SPIDR: variants seen among roughly 807,000 people sequenced by gnomAD.
The protein encoded by SPIDR is DNA repair-scaffolding protein.
Under a neutral mutation model 104.6 loss-of-function variants are expected in SPIDR, and 93 were observed. That is an observed-to-expected ratio of 0.89 (90% CI 0.75 to 1.06). SPIDR has a LOEUF of 1.06. SPIDR is among the 50% of genes least tolerant of loss of function. The pLI is 0.00. For synonymous variants in SPIDR, 431 were observed against 416.9 expected (o/e 1.03, Z -0.41); for missense variants, 1,154 against 1,111.2 (o/e 1.04, Z -0.55).
chr8:47,705,912 AAGC>A (rs895583610), intron 14 of SPIDR, among the ~76,000 whole-genome samples: 17 of 151,786 alleles, frequency 1.1e-4, no homozygotes, highest in Non-Finnish European at 1.9e-4. Context: ...AAAAAAAAAA[AAGC>A]AGATTCAGTT....
At position 47,602,311 on chromosome 8, in the gene SPIDR, A is replaced by G. The variant is rs1215960048; in HGVS notation, c.1544+3115A>G. ...AAGAAGGAAAATTGCATAAGCAGTGACCCCTTTCAACTAAAGGCAGCTCTA... is the reference window on the plus strand; with the variant it reads ...AAGAAGGAAAATTGCATAAGCAGTGGCCCCTTTCAACTAAAGGCAGCTCTA... On this transcript the variant is annotated intron_variant, in intron 10 of 19. Coordinates refer to ENST00000297423, the MANE Select transcript of SPIDR (RefSeq NM_001080394.4). Among the ~76,000 whole-genome samples the G allele has an allele frequency of 2.0e-5, 3 of 152,278 alleles. No individual in the cohort carries two copies. In the East Asian group the frequency reaches 5.8e-4, roughly 29 times the overall value.
chr8:47,644,531 A>G (rs1230091207), intron 10 of SPIDR, among the ~76,000 whole-genome samples: 2 of 152,232 alleles, frequency 1.3e-5, no homozygotes, highest in East Asian at 3.8e-4. Flanking sequence ...GCTCTCCAGA[A>G]TAAAGTAAAT....
chr8:47,503,686 G>C (rs2080955790), intron 8 of SPIDR, among the ~76,000 whole-genome samples: 1 of 152,096 alleles, frequency 6.6e-6, no homozygotes, highest in Non-Finnish European at 1.5e-5. Flanking sequence ...TATGATGTTA[G>C]GTGGTTATTT....
At chr8:47,610,325 C>T (rs532728796) in intron 10 of SPIDR, among the ~76,000 whole-genome samples, 11 of 152,118 alleles carry the variant, frequency 7.2e-5, no homozygotes, top group South Asian at 2.1e-4. Context: ...GCTGAGATGA[C>T]GGCACAGAGA....
chr8:47,403,503 A>G (rs1009124157), intron 6 of SPIDR, among the ~76,000 whole-genome samples: 4 of 152,266 alleles, frequency 2.6e-5, no homozygotes, highest in Non-Finnish European at 5.9e-5. Flanking sequence ...CAAATTCAGC[A>G]AAGTCTTGGG....
intron 5 of SPIDR, among the ~76,000 whole-genome samples, chr8:47,356,950 G>C (rs1329750366): frequency 1.3e-5 from 2 of 152,064 alleles, no homozygotes; most frequent in African/African-American, 4.8e-5. Flanking sequence ...TTGAAATGGG[G>C]TTTATTTTGC....
intron 10 of SPIDR, among the ~76,000 whole-genome samples, chr8:47,657,758 A>C (rs1588901641): frequency 6.6e-6 from 1 of 152,132 alleles, no homozygotes; most frequent in East Asian, 1.9e-4. Context: ...GGCTTGAAGC[A>C]ATGGCTCTTG....
At chr8:47,287,669 A>G (rs1554564278) in intron 3 of SPIDR, among the ~76,000 whole-genome samples, 99 of 152,322 alleles carry the variant, frequency 6.5e-4, no homozygotes, top group Non-Finnish European at 1.2e-3. Context: ...GAAGAAAAAT[A>G]TGGCTGTATT....
At chr8:47,352,105 C>T (rs553406838) in intron 5 of SPIDR, among the ~76,000 whole-genome samples, 3 of 152,002 alleles carry the variant, frequency 2.0e-5, no homozygotes, top group South Asian at 4.2e-4. Flanking sequence ...GATGAAACCC[C>T]GTCTCTACTA....
At chr8:47,419,976 G>C (rs1307124366) in intron 7 of SPIDR, among the ~76,000 whole-genome samples, 2 of 152,184 alleles carry the variant, frequency 1.3e-5, no homozygotes, top group Non-Finnish European at 2.9e-5. Flanking sequence ...TGTGGTCTGA[G>C]AGACAGTTTG....
At chr8:47,321,769 A>G (rs2046655008) in intron 5 of SPIDR, among the ~76,000 whole-genome samples, 1 of 152,198 alleles carries the variant, frequency 6.6e-6, no homozygotes. Context: ...GGAACAGAAC[A>G]GAGCCCTCAG....
At chr8:47,437,422 C>T (rs1401927391) in intron 7 of SPIDR, among the ~76,000 whole-genome samples, 1 of 152,054 alleles carries the variant, frequency 6.6e-6, no homozygotes, top group Admixed American at 6.5e-5. Context: ...AGGACATGAA[C>T]TCATCATTTT....
chr8:47,538,863 T>C (rs1346606549), intron 8 of SPIDR, among the ~76,000 whole-genome samples: 3 of 140,470 alleles, frequency 2.1e-5, no homozygotes, highest in Non-Finnish European at 4.7e-5. Flanking sequence ...TTTTCTTTTT[T>C]TTTTTTTTTT....
chr8:47,298,222 C>G (rs2041282059), intron 5 of SPIDR, among the ~76,000 whole-genome samples: 1 of 152,166 alleles, frequency 6.6e-6, no homozygotes, highest in South Asian at 2.1e-4. Context: ...TGATGAGCAT[C>G]TTTTCACGTG....
intron 16 of SPIDR, among the ~76,000 whole-genome samples, chr8:47,715,806 G>T (rs1163815242): frequency 6.6e-6 from 1 of 152,066 alleles, no homozygotes; most frequent in Non-Finnish European, 1.5e-5. Context: ...GAATATTCAT[G>T]GACAAGGTTT....
intron 1 of SPIDR, among the ~76,000 whole-genome samples, chr8:47,274,279 T>TA (rs1461642718): frequency 6.6e-6 from 1 of 152,246 alleles, no homozygotes; most frequent in Non-Finnish European, 1.5e-5. Flanking sequence ...GATTTATTTA[T>TA]AAAGTTCATG....
chr8:47,293,782 G>A (rs2040359651), intron 4 of SPIDR, 85 bp from the exon 5 acceptor site: 1 of 1,348,326 alleles, frequency 7.4e-7, no homozygotes. Flanking sequence ...GAGTGACATG[G>A]ATATATTAAC....
chr8:47,720,899 A>C (rs535609630), intron 16 of SPIDR, among the ~76,000 whole-genome samples: 5 of 152,000 alleles, frequency 3.3e-5, no homozygotes, highest in Non-Finnish European at 7.4e-5. Context: ...CTGGGATTAC[A>C]GGCGCCTGCC....
intron 8 of SPIDR, among the ~76,000 whole-genome samples, chr8:47,475,142 CT>C (rs1301198013): frequency 3.3e-5 from 5 of 152,168 alleles, no homozygotes; most frequent in Non-Finnish European, 7.3e-5. Flanking sequence ...ATTTGTACCA[CT>C]TGAAACAGCA....
Sources: allele counts gnomAD v4.1 joint callset (sites outside exome capture counted in the v4.1 genomes callset), GRCh38; gene constraint gnomAD v4.1.1; transcripts MANE v1.5; gene names NCBI Gene and HGNC (gene_info 2026-07-23, HGNC 2026-07-21).